The following CLIP4 variants were observed in gnomAD, a reference collection of about 807,000 sequenced individuals.
CLIP4 encodes CAP-Gly domain containing linker protein family member 4, also known as CAP-Gly domain-containing linker protein 4.
Under a neutral mutation model 73.1 loss-of-function variants are expected in CLIP4, and 47 were observed. The observed-to-expected ratio is 0.64, with a 90% CI of 0.51 to 0.82. The LOEUF is 0.82. Among genes scored for constraint, CLIP4 ranks in the 40% least tolerant of loss-of-function variants. CLIP4 has a pLI of 0.00. For synonymous variants in CLIP4, 306 were observed against 295.4 expected, an observed-to-expected ratio of 1.04 and a Z score of -0.37; for missense variants, 874 against 852.9, an observed-to-expected ratio of 1.02 and a Z score of -0.31.
intron 14 of CLIP4, among the ~76,000 whole-genome samples, chr2:29,174,124 C>T (rs13414239): frequency 1.3e-5 from 2 of 150,216 alleles, no homozygotes; most frequent in African/African-American, 4.9e-5. Flanking sequence ...GCTTTCTTTT[C>T]TTTTTTTTTA....
rs753048651 is a variant in CLIP4 at position 29,124,529 on chromosome 2, T to A, written c.133+3008T>A. Among the ~76,000 whole-genome samples the A allele has an allele frequency of 1.1e-3, 166 of 152,302 alleles. 1 individual carries two copies. The highest frequency in any genetic ancestry group is 1.8e-3 in the Non-Finnish European group (125 of 68,032). Reference sequence around the variant, plus strand: ...AAGTTTGGGAAATCATTTAAAAAAATTTTTTGTCTGCTTCTCCCCGTTTTC... The same window carrying A: ...AAGTTTGGGAAATCATTTAAAAAAAATTTTTGTCTGCTTCTCCCCGTTTTC... On this transcript the variant is annotated intron_variant, in intron 2 of 15. Transcript: ENST00000320081.
chr2:29,145,422 ACT>A lies in CLIP4; in HGVS notation c.1021+58_1021+59del, dbSNP rs1666089041. The A allele has an allele frequency of 1.7e-5, 24 of 1,430,438 alleles. No individual in the cohort carries two copies. The South Asian group carries it at 3.1e-4, about 19-fold the overall frequency. 88.6% of individuals were successfully genotyped at this position (1,430,438 alleles called of 1,614,324 possible). A position where few individuals can be genotyped will look rare whatever the true frequency, so the allele number is the denominator to read the frequency against. ...AATTAATTAAAAATAATCAAGTTTT[ACT>A]CTTTTACAGTTGTTAAATAAAACTT... On this transcript the variant is annotated intron_variant, in intron 8 of 15. Coordinates refer to ENST00000320081, the MANE Select transcript of CLIP4 (RefSeq NM_024692.6).
At chr2:29,153,191 C>T (rs199945187) in intron 9 of CLIP4, among the ~76,000 whole-genome samples, 2 of 152,022 alleles carry the variant, frequency 1.3e-5, no homozygotes, top group East Asian at 1.9e-4. Context: ...AGTCCTGACT[C>T]GGGAAACTAG....
intron 6 of CLIP4, among the ~76,000 whole-genome samples, chr2:29,140,697 C>CAGTGT (rs1665704072): frequency 6.6e-6 from 1 of 152,164 alleles, no homozygotes; most frequent in African/African-American, 2.4e-5. Flanking sequence ...GTCCCACCAA[C>CAGTGT]AGTGTAAAAG....
intron 1 of CLIP4, among the ~76,000 whole-genome samples, chr2:29,120,473 C>A (rs2148461039): frequency 6.6e-6 from 1 of 152,252 alleles, no homozygotes; most frequent in Middle Eastern, 3.4e-3. Context: ...ACTACCAGAT[C>A]AAGCCATTGA....
chr2:29,124,043 TATAAAAAA>T (rs1664435293), intron 2 of CLIP4, among the ~76,000 whole-genome samples: 1 of 152,200 alleles, frequency 6.6e-6, no homozygotes, highest in African/African-American at 2.4e-5. Flanking sequence ...ATTTAAATAA[TATAAAAAA>T]ATCTCATTTA....
At chr2:29,150,863 G>C (rs531658251) in intron 8 of CLIP4, among the ~76,000 whole-genome samples, 1 of 151,874 alleles carries the variant, frequency 6.6e-6, no homozygotes, top group African/African-American at 2.4e-5. Flanking sequence ...CAGGTGATCC[G>C]CTTGCCTCGG....
At chr2:29,099,504 T>C (rs1222188291) in intron 1 of CLIP4, among the ~76,000 whole-genome samples, 1 of 152,240 alleles carries the variant, frequency 6.6e-6, no homozygotes, top group African/African-American at 2.4e-5. Context: ...GTGTTATCAG[T>C]GGACTATATT....
chr2:29,133,032 T>TA lies in CLIP4; in HGVS notation c.368-617dup, dbSNP rs1199293793. Among the ~76,000 whole-genome samples the TA allele has an allele frequency of 5.3e-5, 8 of 151,900 alleles. No homozygotes were observed. The South Asian group carries it at 1.2e-3, about 24-fold the overall frequency. ...GTGAGACCTTGTCTCTACAAAAAAT[T>TA]AAAAAATTAGCCAACCATGGTGGTG... On this transcript the variant is annotated intron_variant, in intron 4 of 15. Coordinates refer to ENST00000320081, the MANE Select transcript of CLIP4 (RefSeq NM_024692.6).
chr2:29,118,151 A>G (rs888342135), intron 1 of CLIP4: 5 of 152,212 alleles, frequency 3.3e-5, no homozygotes, highest in Admixed American at 3.3e-4. Flanking sequence ...GATTCCAGCT[A>G]ATGTAGACAC....
intron 6 of CLIP4, among the ~76,000 whole-genome samples, chr2:29,140,201 G>A (rs896314674): frequency 2.0e-5 from 3 of 152,042 alleles, no homozygotes; most frequent in Non-Finnish European, 4.4e-5. Flanking sequence ...TTAGCATTAG[G>A]TATATCTCCT....
chr2:29,112,571 A>AT (rs1404869833), upstream of CLIP4, among the ~76,000 whole-genome samples: 1 of 152,238 alleles, frequency 6.6e-6, no homozygotes, highest in African/African-American at 2.4e-5. Flanking sequence ...AAAACTATTG[A>AT]TTTTTAGAAA....
rs762644866 is a variant in CLIP4, at chr2:29,152,727, G to T, written c.1064G>T (p.Arg355Leu). ...TCAAAGATAAGTAAAGCAAAAGGTC[G>T]AAGGAAGAATATAACACACACTCCT... Reference protein sequence around the residue: ...PLSKISKAKGRRKNITHTPST... With the variant: ...PLSKISKAKGLRKNITHTPST... The change falls in exon 9 of 16, where the codon CGA (arginine) becomes CTA (leucine). Residue 355 changes from arginine (R) to leucine (L), a missense_variant. Transcript: ENST00000320081. The T allele has an allele frequency of 1.2e-6, 2 of 1,613,486 alleles. No individual in the cohort carries two copies. The highest frequency in any genetic ancestry group is 1.7e-6 in the Non-Finnish European group (2 of 1,179,760).
In CLIP4 at chr2:29,157,351, T is replaced by C. The variant is rs763104843; in HGVS notation, c.1399+4T>C. ...CTTTCATCCAGAGCCAGTGCTGGTA[T>C]CTATGGCTTTTTCAACCAGGCTTTC... On this transcript the variant is annotated splice_donor_region_variant and intron_variant, in intron 11 of 15. Coordinates refer to ENST00000320081, the MANE Select transcript of CLIP4 (RefSeq NM_024692.6). 1.4e-5 allele frequency: 22 copies of C among 1,613,904 alleles called. No homozygotes were observed. Among genetic ancestry groups the C allele is most frequent in the Non-Finnish European group, 1.9e-5 (22 of 1,179,904 alleles).
intron 15 of CLIP4, among the ~76,000 whole-genome samples, chr2:29,176,564 A>G (rs1668356839): frequency 6.6e-6 from 1 of 152,170 alleles, no homozygotes; most frequent in Non-Finnish European, 1.5e-5. Flanking sequence ...CATCCCGAGG[A>G]AGACATGGCA....
At chr2:29,124,950 T>A (rs894170769) in intron 2 of CLIP4, among the ~76,000 whole-genome samples, 5 of 152,254 alleles carry the variant, frequency 3.3e-5, no homozygotes, top group Admixed American at 2.6e-4. Flanking sequence ...CTGATAATCT[T>A]TAATTGGCTG....
At position 29,104,130 on chromosome 2, in the gene CLIP4, T is replaced by C. The variant is rs55768915; in HGVS notation, c.-16+6183T>C. On this transcript the variant is annotated intron_variant, in intron 1 of 14. Coordinates refer to the CLIP4 transcript ENST00000401605. ...ACTTCTCATTTTTCATGGGTTTTAA[T>C]TGTGTTCTCTCAGCTAGACTATGGA... Among the ~76,000 whole-genome samples, 1,469 of 152,308 alleles carry C rather than the reference T, an allele frequency of 9.6e-3. 30 individuals carry two copies. The highest frequency in any genetic ancestry group is 0.034 in the African/African-American group (1,400 of 41,562).
rs142037400 is a variant in CLIP4, at chr2:29,182,699, T to A, written c.*806T>A. 539 of 152,772 alleles carry A rather than the reference T, an allele frequency of 3.5e-3. 1 individual carries two copies. Among genetic ancestry groups the A allele is most frequent in the Non-Finnish European group, 6.0e-3 (411 of 68,032 alleles). 9.5% of individuals were successfully genotyped at this position (152,772 alleles called of 1,614,324 possible). A position where few individuals can be genotyped will look rare whatever the true frequency, so the allele number is the denominator to read the frequency against. ...ACAAAAAACCCATGATTAAGGTTTA[T>A]GAATTCAAGTAATAATTAGATTTTT... On this transcript the variant is annotated 3_prime_UTR_variant, in exon 16 of 16. Coordinates refer to ENST00000320081, the MANE Select transcript of CLIP4 (RefSeq NM_024692.6).
chr2:29,117,595 G>C (rs1424216704), intron 1 of CLIP4, among the ~76,000 whole-genome samples: 5 of 152,208 alleles, frequency 3.3e-5, no homozygotes. Context: ...GCCTCCCGAA[G>C]TGTTGGGATT....
Sources: gnomAD v4.1 joint callset for allele counts (sites outside exome capture counted in the v4.1 genomes callset) on GRCh38, gnomAD v4.1.1 for gene constraint, MANE v1.5 for transcripts, NCBI Gene and HGNC (gene_info 2026-07-23, HGNC 2026-07-21) for gene names.